The following ZBTB20 variants were observed in gnomAD, a reference collection of about 807,000 sequenced individuals.
ZBTB20 encodes zinc finger and BTB domain-containing protein 20.
A neutral mutation model predicts 56.9 loss-of-function variants in ZBTB20; 9 were observed. That is an observed-to-expected ratio of 0.16 (90% CI 0.10 to 0.28). The LOEUF (loss-of-function observed/expected upper bound fraction) is 0.28. Among genes scored for constraint, ZBTB20 ranks in the 10% least tolerant of loss-of-function variants. ZBTB20 has a pLI of 1.00. For missense variants in ZBTB20, 655 were observed against 1,003.0 expected, an observed-to-expected ratio of 0.65 and a Z score of 4.69; for synonymous variants, 417 against 420.7, an observed-to-expected ratio of 0.99 and a Z score of 0.11.
chr3:114,361,762 G>T (rs1306714961), intron 10 of ZBTB20, among the ~76,000 whole-genome samples: 1 of 152,202 alleles, frequency 6.6e-6, no homozygotes, highest in Non-Finnish European at 1.5e-5. Flanking sequence ...AAGGTAGCAA[G>T]GTCTCTACTT....
chr3:114,749,625 A>C (rs2067404832), intron 5 of ZBTB20, among the ~76,000 whole-genome samples: 1 of 151,546 alleles, frequency 6.6e-6, no homozygotes, highest in South Asian at 2.1e-4. Context: ...GGAAGGAATA[A>C]ATTGGCTATG....
intron 3 of ZBTB20, among the ~76,000 whole-genome samples, chr3:114,919,895 A>G (rs1466702020): frequency 6.6e-6 from 1 of 152,190 alleles, no homozygotes; most frequent in Admixed American, 6.5e-5. Context: ...ACTTTAGCTG[A>G]AAGGATACAG....
intron 4 of ZBTB20, among the ~76,000 whole-genome samples, chr3:114,886,564 T>C (rs561135985): frequency 5.2e-4 from 79 of 152,334 alleles, no homozygotes; most frequent in African/African-American, 1.7e-3. Flanking sequence ...GAAAGTACCA[T>C]GGACTATAAG....
chr3:114,866,302 T>G (rs907598958), intron 4 of ZBTB20, among the ~76,000 whole-genome samples: 1 of 152,192 alleles, frequency 6.6e-6, no homozygotes, highest in African/African-American at 2.4e-5. Flanking sequence ...TTGAGTAATT[T>G]GCCTATTGTT....
chr3:115,129,579 AC>A (rs2084441513), intron 1 of ZBTB20, among the ~76,000 whole-genome samples: 13 of 152,274 alleles, frequency 8.5e-5, no homozygotes, highest in Admixed American at 8.5e-4. Flanking sequence ...TGCTAGAGTC[AC>A]TTTTAAGTAC....
intron 4 of ZBTB20, among the ~76,000 whole-genome samples, chr3:114,887,030 T>C (rs2076627075): frequency 6.6e-6 from 1 of 152,156 alleles, no homozygotes; most frequent in South Asian, 2.1e-4. Flanking sequence ...CACTCTAGAA[T>C]CCTGAGACAA....
At chr3:115,061,384 T>C (rs2108477483) in intron 2 of ZBTB20, among the ~76,000 whole-genome samples, 1 of 152,318 alleles carries the variant, frequency 6.6e-6, no homozygotes, top group African/African-American at 2.4e-5. Flanking sequence ...ACACATTATA[T>C]AAATATGCAA....
intron 6 of ZBTB20, among the ~76,000 whole-genome samples, chr3:114,523,882 T>C (rs916773291): frequency 1.3e-5 from 2 of 152,150 alleles, no homozygotes. Flanking sequence ...AGGAAACATA[T>C]TATATTTGCT....
chr3:114,566,534 C>A (rs2052773874), intron 6 of ZBTB20, among the ~76,000 whole-genome samples: 1 of 152,160 alleles, frequency 6.6e-6, no homozygotes, highest in East Asian at 1.9e-4. Flanking sequence ...CCTGAGAGTT[C>A]CAGTTTAAAA....
intron 2 of ZBTB20, among the ~76,000 whole-genome samples, chr3:115,008,011 C>T (rs1452663912): frequency 6.6e-6 from 1 of 151,832 alleles, no homozygotes; most frequent in African/African-American, 2.4e-5. Context: ...TGCTTTCCAA[C>T]AGTCTCTTGC....
chr3:114,673,296 G>A (rs1053420263), intron 6 of ZBTB20, among the ~76,000 whole-genome samples: 11 of 152,012 alleles, frequency 7.2e-5, no homozygotes, highest in African/African-American at 1.2e-4. Context: ...CAGTACTTCC[G>A]TAGAATTTCA....
chr3:115,072,611 A>C (rs759469458), intron 1 of ZBTB20, among the ~76,000 whole-genome samples: 34 of 152,208 alleles, frequency 2.2e-4, no homozygotes, highest in Admixed American at 3.9e-4. Context: ...AGAGGGTCAA[A>C]AGCAGCACCT....
chr3:114,545,225 T>A (rs1402378947), intron 6 of ZBTB20, among the ~76,000 whole-genome samples: 1 of 152,182 alleles, frequency 6.6e-6, no homozygotes, highest in Non-Finnish European at 1.5e-5. Context: ...ATTTATGGAG[T>A]TCTGTATATG....
At chr3:114,604,556 G>A (rs956496586) in intron 6 of ZBTB20, among the ~76,000 whole-genome samples, 1 of 151,848 alleles carries the variant, frequency 6.6e-6, no homozygotes, top group African/African-American at 2.4e-5. Context: ...CTAAATGAAA[G>A]ATAATCTCAT....
At chr3:114,800,983 A>G (rs1386162290) in intron 5 of ZBTB20, 118 bp downstream of exon 5, 1 of 151,720 alleles carries the variant, frequency 6.6e-6, no homozygotes, top group Non-Finnish European at 1.5e-5. Context: ...TTAAACATAT[A>G]TTTCTTCAGG....
intron 5 of ZBTB20, among the ~76,000 whole-genome samples, chr3:114,748,279 C>CTTGCT (rs1553807144): frequency 2.8e-4 from 29 of 104,534 alleles, no homozygotes; most frequent in South Asian, 2.5e-3. Flanking sequence ...TTTGTTGTAG[C>CTTGCT]TTCTTTCTTT....
intron 1 of ZBTB20, among the ~76,000 whole-genome samples, chr3:115,131,497 A>G (rs2084504671): frequency 6.6e-6 from 1 of 152,156 alleles, no homozygotes; most frequent in Non-Finnish European, 1.5e-5. Flanking sequence ...TCCATTATTT[A>G]CTAGCATTAC....
chr3:114,426,747 G>T (rs2089709337), intron 7 of ZBTB20, among the ~76,000 whole-genome samples: 1 of 152,050 alleles, frequency 6.6e-6, no homozygotes, highest in South Asian at 2.1e-4. Context: ...ATGATTACCA[G>T]CCAACTGTTA....
intron 1 of ZBTB20, among the ~76,000 whole-genome samples, chr3:115,073,789 TC>T (rs1251863731): frequency 1.3e-5 from 2 of 151,298 alleles, no homozygotes; most frequent in African/African-American, 4.8e-5. Context: ...AATAAACCTT[TC>T]CCTAAGAATT....
Sources: gnomAD v4.1 joint callset for allele counts (sites outside exome capture counted in the v4.1 genomes callset) on GRCh38, gnomAD v4.1.1 for gene constraint, MANE v1.5 for transcripts, NCBI Gene and HGNC (gene_info 2026-07-23, HGNC 2026-07-21) for gene names.